Variants in SLIT3 observed in about 807,000 individuals in gnomAD.
SLIT3 encodes slit homolog 3 protein.
Under a neutral mutation model 184.0 loss-of-function variants are expected in SLIT3, and 68 were observed. The ratio of observed to expected loss-of-function variants is 0.37; its 90% CI spans 0.30 to 0.45. SLIT3 has a LOEUF of 0.45. SLIT3 is among the 20% of genes least tolerant of loss of function. The probability of loss-of-function intolerance (pLI) is 1.00; values close to 1 mark genes in which losing one functional copy is unlikely to be tolerated. For missense variants in SLIT3, 1,707 were observed against 2,026.0 expected (o/e 0.84, Z 3.02); for synonymous variants, 831 against 828.6 (o/e 1.00, Z -0.05).
At chr5:168,694,370 G>A (rs952998869) in intron 28 of SLIT3, among the ~76,000 whole-genome samples, 4 of 152,162 alleles carry the variant, frequency 2.6e-5, no homozygotes, top group Non-Finnish European at 5.9e-5. Context: ...ACTCTATACA[G>A]TGATTCTTTT....
At chr5:168,755,073 G>C (rs1374595858) in intron 16 of SLIT3, among the ~76,000 whole-genome samples, 1 of 152,208 alleles carries the variant, frequency 6.6e-6, no homozygotes, top group African/African-American at 2.4e-5. Context: ...GGCACCTCAT[G>C]AGGGATCTGA....
chr5:169,221,507 GACA>G (rs1764618051), intron 3 of SLIT3, among the ~76,000 whole-genome samples: 1 of 152,142 alleles, frequency 6.6e-6, no homozygotes, highest in Non-Finnish European at 1.5e-5. Context: ...GAGATGCCAA[GACA>G]ATGTTAGTCT....
At chr5:168,773,528 C>T (rs912609327) in intron 13 of SLIT3, among the ~76,000 whole-genome samples, 2 of 152,064 alleles carry the variant, frequency 1.3e-5, no homozygotes, top group African/African-American at 4.8e-5. Flanking sequence ...TGTCTTGGTT[C>T]CTGTCTCTGG....
chr5:168,860,894 T>C (rs1389208589), intron 5 of SLIT3, among the ~76,000 whole-genome samples: 2 of 152,210 alleles, frequency 1.3e-5, no homozygotes, highest in African/African-American at 4.8e-5. Flanking sequence ...ACTCTGGTGC[T>C]TCCCCTGCGG....
chr5:169,104,065 C>T (rs1391916431), intron 4 of SLIT3, among the ~76,000 whole-genome samples: 1 of 152,160 alleles, frequency 6.6e-6, no homozygotes, highest in Non-Finnish European at 1.5e-5. Context: ...ATGCATTAGC[C>T]CTGATTAATT....
At chr5:169,048,187 A>T (rs1314086722) in intron 4 of SLIT3, among the ~76,000 whole-genome samples, 2 of 152,148 alleles carry the variant, frequency 1.3e-5, no homozygotes, top group African/African-American at 4.8e-5. Flanking sequence ...AGGTTTGAAA[A>T]CACACTCTCT....
intron 4 of SLIT3, among the ~76,000 whole-genome samples, chr5:168,990,836 CA>C (rs1164231457): frequency 6.6e-6 from 1 of 152,160 alleles, no homozygotes; most frequent in Admixed American, 6.5e-5. Context: ...AAACAAAACC[CA>C]ATAACATTAT....
chr5:168,857,437 A>G (rs1358315504), intron 5 of SLIT3, among the ~76,000 whole-genome samples: 1 of 152,150 alleles, frequency 6.6e-6, no homozygotes, highest in African/African-American at 2.4e-5. Context: ...GAAAAATAAA[A>G]ACAGTTTGCT....
At chr5:168,674,636 C>G (rs1386972519) in intron 32 of SLIT3, among the ~76,000 whole-genome samples, 1 of 151,966 alleles carries the variant, frequency 6.6e-6, no homozygotes, top group Non-Finnish European at 1.5e-5. Flanking sequence ...GGATTACAGG[C>G]TCATGCCACC....
intron 9 of SLIT3, 111 bp downstream of exon 9, chr5:168,806,335 A>G: frequency 1.7e-6 from 2 of 1,180,244 alleles, no homozygotes; most frequent in Non-Finnish European, 2.5e-6. Context: ...AGTGTTTTTA[A>G]TGGTCAGCTC....
chr5:168,809,761 G>A (rs1205975119), intron 8 of SLIT3, among the ~76,000 whole-genome samples: 2 of 152,184 alleles, frequency 1.3e-5, no homozygotes, highest in Non-Finnish European at 2.9e-5. Flanking sequence ...AAGTACATAA[G>A]GACACTCGCC....
At chr5:168,678,946 G>A (rs1761497064) in intron 32 of SLIT3, among the ~76,000 whole-genome samples, 1 of 152,230 alleles carries the variant, frequency 6.6e-6, no homozygotes, top group Non-Finnish European at 1.5e-5. Flanking sequence ...CTGAACTGGT[G>A]CCAAGTGGGA....
intron 4 of SLIT3, among the ~76,000 whole-genome samples, chr5:168,925,264 T>TG (rs1761778695): frequency 6.6e-6 from 1 of 152,154 alleles, no homozygotes; most frequent in African/African-American, 2.4e-5. Context: ...GGGAGTAACT[T>TG]GCAGGAATAG....
intron 4 of SLIT3, among the ~76,000 whole-genome samples, chr5:168,910,948 CT>C (rs1761232976): frequency 2.6e-5 from 4 of 152,146 alleles, no homozygotes; most frequent in South Asian, 4.1e-4. Context: ...GCCCTCATGC[CT>C]TTTTGTAAAG....
intron 20 of SLIT3, among the ~76,000 whole-genome samples, chr5:168,735,142 A>C (rs1358801604): frequency 1.3e-5 from 2 of 152,144 alleles, no homozygotes; most frequent in Non-Finnish European, 2.9e-5. Flanking sequence ...TGTTTCTGGC[A>C]GGTCACCCTT....
At position 168,666,290 on chromosome 5, in the gene SLIT3, A is replaced by G; in HGVS notation, c.*164T>C. ...AATAGTCACTTTCCATAATAAAAAT[A>G]AGTTCTATTTTTTGTTTATTTTACA... On this transcript the variant is annotated 3_prime_UTR_variant, in exon 36 of 36. Coordinates refer to ENST00000519560, the MANE Select transcript of SLIT3 (RefSeq NM_003062.4). The G allele has an allele frequency of 1.7e-6, 1 of 577,202 alleles. No individual in the cohort carries two copies. Among genetic ancestry groups the G allele is most frequent in the Non-Finnish European group, 2.8e-6 (1 of 362,002 alleles). The allele number at this position is 577,202 out of a possible 1,614,324, so 35.8% of individuals were successfully genotyped here. A position where few individuals can be genotyped will look rare whatever the true frequency, so the allele number is the denominator to read the frequency against.
At chr5:168,871,224 T>C (rs1181385311) in intron 5 of SLIT3, among the ~76,000 whole-genome samples, 1 of 152,224 alleles carries the variant, frequency 6.6e-6, no homozygotes, top group African/African-American at 2.4e-5. Flanking sequence ...ATGAAGACCC[T>C]TCTGATTACA....
chr5:169,228,126 G>T (rs766571838), intron 3 of SLIT3, among the ~76,000 whole-genome samples: 2 of 152,116 alleles, frequency 1.3e-5, no homozygotes, highest in Non-Finnish European at 2.9e-5. Context: ...CAGTTCTCTG[G>T]TGTGTACATA....
At chr5:168,732,712 T>C (rs1405889073) in intron 20 of SLIT3, among the ~76,000 whole-genome samples, 1 of 152,046 alleles carries the variant, frequency 6.6e-6, no homozygotes, top group Non-Finnish European at 1.5e-5. Flanking sequence ...AAATATACAC[T>C]GGGGAAATGA....
Sources: allele counts gnomAD v4.1 joint callset (sites outside exome capture counted in the v4.1 genomes callset), GRCh38; gene constraint gnomAD v4.1.1; transcripts MANE v1.5; gene names NCBI Gene and HGNC (gene_info 2026-07-23, HGNC 2026-07-21).